Variants in NEIL1 observed in about 807,000 individuals in gnomAD.
NEIL1 encodes the protein endonuclease 8-like 1.
In NEIL1, 31 loss-of-function variants were observed where a neutral mutation model predicts 44.2. The observed-to-expected ratio is 0.70, with a 90% CI of 0.53 to 0.95. NEIL1 has a LOEUF of 0.95. Among genes scored for constraint, NEIL1 ranks in the 40% least tolerant of loss-of-function variants. The pLI is 0.00. For missense variants in NEIL1, 549 were observed against 515.5 expected (o/e 1.07, Z -0.63); for synonymous variants, 254 against 209.7 (o/e 1.21, Z -1.83).
At chr15:75,354,886 C>T (rs964853732) in intron 9 of NEIL1, 68 bp downstream of exon 9, 53 of 1,611,800 alleles carry the variant, frequency 3.3e-5, no homozygotes, top group East Asian at 1.6e-4. Context: ...CCTAGGAGCG[C>T]GTGTACAAAG....
In NEIL1 at chr15:75,355,088, T is replaced by TG. The variant is rs1012892072; in HGVS notation, c.*59dup. ...CTTTCTTATTGTCTTGCCCTGCATCTGGGGGTCTGAATTTTTGGGAGCAGG... is the reference window on the plus strand; with the variant it reads ...CTTTCTTATTGTCTTGCCCTGCATCTGGGGGGTCTGAATTTTTGGGAGCAGG... On this transcript the variant is annotated 3_prime_UTR_variant, in exon 10 of 10. Transcript: ENST00000355059. The TG allele has an allele frequency of 1.9e-6, 3 of 1,540,806 alleles. No individual in the cohort carries two copies. In the African/African-American group the frequency reaches 4.1e-5, roughly 21 times the overall value.
rs1325379126 is a variant in NEIL1, at chr15:75,355,360, C to T, written c.*326C>T. On this transcript the variant is annotated 3_prime_UTR_variant, in exon 10 of 10. Transcript: ENST00000355059. ...CAAACTGAGCCCCCATCCCAGTCCT[C>T]AAGGCTCTGACTCTATCAGAGGACA... 3.0e-6 allele frequency: 1 copy of T among 332,272 alleles called. No homozygotes were observed. The highest frequency in any genetic ancestry group is 2.2e-5 in the African/African-American group (1 of 45,930). The allele number at this position is 332,272 out of a possible 1,614,324, so 20.6% of individuals were successfully genotyped here.
intron 1 of NEIL1, chr15:75,347,844 C>A (rs1254991745): frequency 8.5e-7 from 1 of 1,177,930 alleles, no homozygotes; most frequent in Admixed American, 3.1e-5. Context: ...GGATTTGGAG[C>A]CTCACGTTCT....
chr15:75,347,921 G>A, intron 1 of NEIL1: 1 of 1,248,882 alleles, frequency 8.0e-7, no homozygotes, highest in African/African-American at 1.5e-5. Flanking sequence ...GGCAAGGTAC[G>A]GGCGTCTGCC....
rs775335007 is a variant in NEIL1, at chr15:75,354,487, G to C, written c.931G>C (p.Val311Leu). 6.2e-7 allele frequency: 1 copy of C among 1,614,206 alleles called. No homozygotes were observed. The highest frequency in any genetic ancestry group is 1.1e-5 in the South Asian group (1 of 91,090). ...CACACAGCTGAGTCCTGAGGACAGA[G>C]TGGAGGTATGGCTGCCTGCTCCCGC... ...KATQLSPEDR[V>L]EDALPPSKAP... is the part of the protein sequence containing the mutation. Residue 311 changes from valine to leucine, a missense_variant, in exon 8 of 10, where the codon GTG becomes CTG. Physicochemically the swap from Val to Leu is conservative, Grantham distance 32. Coordinates refer to ENST00000355059, the MANE Select transcript of NEIL1 (RefSeq NM_024608.4).
chr15:75,354,843 A>C (rs1311703120), intron 9 of NEIL1, 25 bp downstream of exon 9: 1 of 1,613,840 alleles, frequency 6.2e-7, no homozygotes, highest in East Asian at 2.2e-5. Flanking sequence ...TCACTCCCAG[A>C]AACTGGCTCT....
rs144861184 is a variant in NEIL1 at position 75,352,606 on chromosome 15, C to T, written c.623C>T (p.Pro208Leu). The change falls in exon 5 of 10, where the codon CCG becomes CTG. Residue 208 changes from proline (P) to leucine (L), a missense_variant. By Grantham distance (98) the Pro-to-Leu change is moderately conservative. Coordinates refer to ENST00000355059, the MANE Select transcript of NEIL1 (RefSeq NM_024608.4). ...CTGCCCCTGCCCCTTCCTCAGAGCC[C>T]GGAGCTGACCCTGAGCCAGAAGATA... The part of the protein sequence containing the change: ...LEALQQHRPS[P>L]ELTLSQKIRT... 41 of 1,612,538 alleles carry T rather than the reference C, an allele frequency of 2.5e-5. No homozygotes were observed. In the South Asian group the frequency reaches 2.9e-4, roughly 11 times the overall value.
chr15:75,349,856 G>A (rs1174489513), intron 2 of NEIL1, among the ~76,000 whole-genome samples: 6 of 152,158 alleles, frequency 3.9e-5, no homozygotes, highest in Non-Finnish European at 8.8e-5. Context: ...GGAGAGAGGA[G>A]AGCCAAGAGG....
At position 75,355,108 on chromosome 15, in the gene NEIL1, A is replaced by G; in HGVS notation, c.*74A>G. On this transcript the variant is annotated 3_prime_UTR_variant, in exon 10 of 10. Transcript: ENST00000355059. ...GCATCTGGGGGTCTGAATTTTTGGGAGCAGGCAATATCTGAAGGTGCAAAC... is the reference window on the plus strand; with the variant it reads ...GCATCTGGGGGTCTGAATTTTTGGGGGCAGGCAATATCTGAAGGTGCAAAC... 1 of 1,354,498 alleles carries G rather than the reference A, an allele frequency of 7.4e-7. No individual in the cohort carries two copies. The allele number at this position is 1,354,498 out of a possible 1,614,324, so 83.9% of individuals were successfully genotyped here. A position where few individuals can be genotyped will look rare whatever the true frequency, so the allele number is the denominator to read the frequency against.
chr15:75,350,323 A>AACTGATGT (rs1250989993), intron 2 of NEIL1, among the ~76,000 whole-genome samples: 2 of 152,296 alleles, frequency 1.3e-5, no homozygotes, highest in African/African-American at 4.8e-5. Flanking sequence ...GCTCCCACAG[A>AACTGATGT]ACTGATGTTC....
Position 75,355,117 on chromosome 15 carries a change from T to C in NEIL1, c.*83T>C. 8.2e-7 allele frequency: 1 copy of C among 1,225,152 alleles called. No homozygotes were observed. Among genetic ancestry groups the C allele is most frequent in the Non-Finnish European group, 1.2e-6 (1 of 855,042 alleles). 75.9% of individuals were successfully genotyped at this position (1,225,152 alleles called of 1,614,324 possible). ...GGTCTGAATTTTTGGGAGCAGGCAA[T>C]ATCTGAAGGTGCAAACAGGCCCTAC... is the stretch of plus-strand genomic sequence containing the variant. On this transcript the variant is annotated 3_prime_UTR_variant, in exon 10 of 10. Transcript: ENST00000355059.
In NEIL1 at chr15:75,356,386, A is replaced by G; in HGVS notation, c.*1352A>G. The G allele has an allele frequency of 6.2e-7, 1 of 1,611,594 alleles. No homozygotes were observed. The highest frequency in any genetic ancestry group is 8.5e-7 in the Non-Finnish European group (1 of 1,179,176). ...GGCGGGCGCTGGGCTGGGGGCTGGC[A>G]GAGCCAACAGGGGGAAGTTTAGGCT... On this transcript the variant is annotated 3_prime_UTR_variant, in exon 10 of 10. Transcript: ENST00000355059. The surrounding 1 kb of genome is among the most constrained non-coding windows in gnomAD (Gnocchi z 5.8).
intron 3 of NEIL1, 36 bp downstream of exon 3, chr15:75,352,266 G>A: frequency 1.2e-6 from 2 of 1,614,194 alleles, no homozygotes; most frequent in Non-Finnish European, 1.7e-6. Flanking sequence ...GACTGCGGTG[G>A]GCCAGGTGTG....
intron 1 of NEIL1, chr15:75,347,884 C>G: frequency 8.2e-7 from 1 of 1,212,166 alleles, no homozygotes; most frequent in African/African-American, 1.6e-5. Context: ...GGGTGCCAGG[C>G]CAGGGGCGGC....
rs1388964345 is a variant in NEIL1, at chr15:75,348,894, C to T, written c.-12C>T. ...CTTCCTCCCCAACAGGACTCTGCCA[C>T]CCTCCCTCAGGATGCCTGAGGGCCC... is the stretch of plus-strand genomic sequence containing the variant. On this transcript the variant is annotated 5_prime_UTR_variant, in exon 2 of 10. Transcript: ENST00000355059. 1.2e-6 allele frequency: 2 copies of T among 1,608,496 alleles called. No individual in the cohort carries two copies. The highest frequency in any genetic ancestry group is 8.5e-7 in the Non-Finnish European group (1 of 1,178,772).
In NEIL1 at chr15:75,356,165, CGTGG is replaced by C. The variant is rs2141321699; in HGVS notation, c.*1133_*1136del. On this transcript the variant is annotated 3_prime_UTR_variant, in exon 10 of 10. Coordinates refer to ENST00000355059, the MANE Select transcript of NEIL1 (RefSeq NM_024608.4). This position sits in a 1 kb window ranked among gnomAD's most constrained non-coding sequence, Gnocchi z 5.8. ...TGCAGCCAGCAGTCCACGTGGCTGC[CGTGG>C]GCCTCATACAGCCTCAGGACCAGCG... 1 of 1,613,604 alleles carries C rather than the reference CGTGG, an allele frequency of 6.2e-7. No individual in the cohort carries two copies. The highest frequency in any genetic ancestry group is 2.2e-5 in the East Asian group (1 of 44,878).
In NEIL1 at chr15:75,352,656, C is replaced by T. The variant is rs750721992; in HGVS notation, c.673C>T (p.Leu225=). The T allele has an allele frequency of 3.7e-6, 6 of 1,613,408 alleles. No homozygotes were observed. The highest frequency in any genetic ancestry group is 5.1e-6 in the Non-Finnish European group (6 of 1,179,680). Residue 225 remains leucine, a synonymous_variant, in exon 5 of 10, where the codon CTG becomes TTG. Coordinates refer to ENST00000355059, the MANE Select transcript of NEIL1 (RefSeq NM_024608.4). ...AAGGACCAAGCTGCAGAATCCAGAC[C>T]TGCTGGAGCTATGTCACTCAGTGCC... ...KIRTKLQNPD[L]LELCHSVPKE... is the part of the protein sequence containing the mutation.
chr15:75,349,300 G>A lies in NEIL1; in HGVS notation c.395G>A (p.Gly132Asp), dbSNP rs2071696784. ...GACCTTGGGGGAAAGTGGCAGCCGG[G>A]CCGCGGGCCCTGTGTCTTGCAGGAG... is the stretch of plus-strand genomic sequence containing the variant. ...RWDLGGKWQP[G>D]RGPCVLQEYQ... The change falls in exon 2 of 10, where the codon GGC becomes GAC. Residue 132 changes from glycine to aspartate, a missense_variant. By Grantham distance (94) the Gly-to-Asp change is moderately conservative. Coordinates refer to ENST00000355059, the MANE Select transcript of NEIL1 (RefSeq NM_024608.4). 3.1e-6 allele frequency: 5 copies of A among 1,610,658 alleles called. No individual in the cohort carries two copies. The highest frequency in any genetic ancestry group is 4.2e-6 in the Non-Finnish European group (5 of 1,179,164).
Position 75,352,724 on chromosome 15 carries a change from C to T in NEIL1, c.718+23C>T, listed in dbSNP as rs554936514. 3 of 1,571,964 alleles carry T rather than the reference C, an allele frequency of 1.9e-6. No homozygotes were observed. The Admixed American group carries it at 5.2e-5, about 27-fold the overall frequency. ...TGGGTGAGGCCAAAGATGGCAGCAA[C>T]CTCTGCTTCAGCAAATGATTGTGTA... On this transcript the variant is annotated intron_variant, in intron 5 of 9. Coordinates refer to ENST00000355059, the MANE Select transcript of NEIL1 (RefSeq NM_024608.4).
Sources: gnomAD v4.1 joint callset for allele counts (sites outside exome capture counted in the v4.1 genomes callset) on GRCh38, gnomAD v4.1.1 for gene constraint, Gnocchi (gnomAD v3.1) non-coding constraint, MANE v1.5 for transcripts, NCBI Gene and HGNC (gene_info 2026-07-23, HGNC 2026-07-21) for gene names.